ZFHX4: variants seen among roughly 807,000 people sequenced by gnomAD.
The protein encoded by ZFHX4 is zinc finger homeobox protein 4.
ZFHX4 carries 56 observed loss-of-function variants against 267.6 expected under a neutral mutation model. The ratio of observed to expected loss-of-function variants is 0.21; its 90% CI spans 0.17 to 0.26. The LOEUF is 0.26. Ranked by LOEUF, ZFHX4 falls within the 10% of genes least tolerant of loss-of-function variation. The probability of loss-of-function intolerance (pLI) is 1.00; values close to 1 mark genes in which losing one functional copy is unlikely to be tolerated. For synonymous variants in ZFHX4, 1,778 were observed against 1,665.6 expected (o/e 1.07, Z -1.64); for missense variants, 4,332 against 4,420.0 (o/e 0.98, Z 0.56).
intron 3 of ZFHX4, among the ~76,000 whole-genome samples, chr8:76,740,495 G>GA (rs149056986): frequency 8.1e-5 from 12 of 148,306 alleles, no homozygotes; most frequent in Admixed American, 3.4e-4. Flanking sequence ...ACCTACTGGG[G>GA]AAAAAAAAAA....
intron 4 of ZFHX4, among the ~76,000 whole-genome samples, chr8:76,793,427 T>G (rs947894514): frequency 6.6e-6 from 1 of 152,212 alleles, no homozygotes; most frequent in African/African-American, 2.4e-5. Flanking sequence ...ATAAACTGTT[T>G]TGAAGTTAAA....
At chr8:76,811,223 T>A (rs1811369912) in intron 4 of ZFHX4, among the ~76,000 whole-genome samples, 1 of 152,196 alleles carries the variant, frequency 6.6e-6, no homozygotes, top group Non-Finnish European at 1.5e-5. Context: ...TCTGCCTCTG[T>A]GAGGAGAGTA....
At chr8:76,826,049 T>C (rs1486255901) in intron 4 of ZFHX4, among the ~76,000 whole-genome samples, 1 of 152,216 alleles carries the variant, frequency 6.6e-6, no homozygotes. Context: ...AATTGGCTTA[T>C]GGTTCTGTAG....
intron 3 of ZFHX4, among the ~76,000 whole-genome samples, chr8:76,766,993 G>A (rs1810067908): frequency 6.6e-6 from 1 of 151,826 alleles, no homozygotes; most frequent in Non-Finnish European, 1.5e-5. Context: ...AGGAAACACA[G>A]CCTCTTAAGA....
intron 4 of ZFHX4, among the ~76,000 whole-genome samples, chr8:76,796,494 G>C (rs1019697487): frequency 6.6e-6 from 1 of 152,082 alleles, no homozygotes; most frequent in African/African-American, 2.4e-5. Flanking sequence ...TATCTTTGGG[G>C]TCTTTAAATG....
chr8:76,776,526 T>C (rs1056395301), intron 3 of ZFHX4, among the ~76,000 whole-genome samples: 2 of 152,146 alleles, frequency 1.3e-5, no homozygotes, highest in Non-Finnish European at 2.9e-5. Context: ...GATCCAGGCT[T>C]GGGTATCTTT....
chr8:76,686,431 T>C (rs1807695304), intron 1 of ZFHX4, among the ~76,000 whole-genome samples: 1 of 152,198 alleles, frequency 6.6e-6, no homozygotes, highest in African/African-American at 2.4e-5. Context: ...TTTTTATGCC[T>C]GTCAAAACAC....
chr8:76,722,797 G>A (rs868437776), intron 3 of ZFHX4, among the ~76,000 whole-genome samples: 1 of 151,936 alleles, frequency 6.6e-6, no homozygotes, highest in South Asian at 2.1e-4. Context: ...CACTCTATTG[G>A]TGTTGCGTTT....
At chr8:76,799,790 G>A (rs921767773) in intron 4 of ZFHX4, among the ~76,000 whole-genome samples, 3 of 151,834 alleles carry the variant, frequency 2.0e-5, no homozygotes, top group Non-Finnish European at 2.9e-5. Flanking sequence ...ATGCTTCCTC[G>A]TCACGATGTG....
chr8:76,833,507 A>AG, intron 5 of ZFHX4, 101 bp downstream of exon 5: 1 of 888,920 alleles, frequency 1.1e-6, no homozygotes, highest in Admixed American at 2.3e-5. Flanking sequence ...GAACTTCTCT[A>AG]ATTAGATCTG....
intron 1 of ZFHX4, among the ~76,000 whole-genome samples, chr8:76,691,643 A>G (rs932883162): frequency 6.6e-6 from 1 of 152,166 alleles, no homozygotes; most frequent in Non-Finnish European, 1.5e-5. Context: ...ATCTTATTCA[A>G]CCTATAAGAT....
In ZFHX4 at chr8:76,852,770, C is replaced by T. The variant is rs1223506129; in HGVS notation, c.5849C>T (p.Thr1950Ile). 2 of 1,613,498 alleles carry T rather than the reference C, an allele frequency of 1.2e-6. No homozygotes were observed. Among genetic ancestry groups the T allele is most frequent in the East Asian group, 2.2e-5 (1 of 44,870 alleles). ...GENTDKLECG[T>I]CGKLFSNVLI... The stretch of plus-strand genomic sequence containing the variant: ...AACACTGACAAACTAGAATGTGGAA[C>T]ATGTGGTAAATTGTTTTCCAATGTT... The change falls in exon 10 of 11, where the codon ACA becomes ATA. Residue 1950 changes from threonine (T) to isoleucine (I), a missense_variant. Thr to Ile is a moderately conservative substitution (Grantham distance 89, BLOSUM62 -1). Transcript: ENST00000651372.
chr8:76,688,998 C>T (rs1807759862), intron 1 of ZFHX4, among the ~76,000 whole-genome samples: 1 of 152,026 alleles, frequency 6.6e-6, no homozygotes, highest in South Asian at 2.1e-4. Context: ...CTCTTGAGTA[C>T]AGCATATTGT....
intron 4 of ZFHX4, among the ~76,000 whole-genome samples, chr8:76,828,707 TG>T (rs1811850866): frequency 6.6e-6 from 1 of 152,160 alleles, no homozygotes; most frequent in South Asian, 2.1e-4. Context: ...AGAGGGGTTG[TG>T]GTGTGAAGGT....
Position 76,863,156 on chromosome 8 carries a change from C to T in ZFHX4, c.9442C>T (p.Leu3148=). The change falls in exon 11 of 11, where the codon CTG becomes TTG. Residue 3148 remains leucine, a synonymous_variant. Coordinates refer to ENST00000651372, the MANE Select transcript of ZFHX4 (RefSeq NM_024721.5). ...TACTTCAGCTACTTCGTCTCCTGCC[C>T]TGTCTCTCAGCAGTGCCCCCACCAA... ...FPTSATSSPA[L]SLSSAPTKPL... 1.9e-6 allele frequency: 3 copies of T among 1,550,884 alleles called. No homozygotes were observed. The highest frequency in any genetic ancestry group is 2.6e-6 in the Non-Finnish European group (3 of 1,146,952).
chr8:76,863,869 C>G lies in ZFHX4; in HGVS notation c.10155C>G (p.Ser3385=). Residue 3385 remains serine, a synonymous_variant, in exon 11 of 11, where the codon TCC becomes TCG. Transcript: ENST00000651372. ...CAAAAGAAGAACCCCAGTTAGAATC[C>G]AAAAGTGCAGACTTTTCAGACACTT... ...ESTKEEPQLE[S]KSADFSDTYV... is the part of the protein sequence containing the mutation. The G allele has an allele frequency of 6.4e-7, 1 of 1,560,326 alleles. No individual in the cohort carries two copies.
rs999581557 is a variant in ZFHX4, at chr8:76,705,526, A to G, written c.1438A>G (p.Asn480Asp). ...GDEDEEDAYS[N>D]ELDDEEVLGE... ...TGAGGATGAAGAAGATGCGTACTCC[A>G]ATGAACTTGATGACGAGGAAGTATT... Residue 480 changes from asparagine to aspartate, a missense_variant, in exon 2 of 11, where the codon AAT becomes GAT. Coordinates refer to ENST00000651372, the MANE Select transcript of ZFHX4 (RefSeq NM_024721.5). 2.5e-6 allele frequency: 4 copies of G among 1,613,686 alleles called. No homozygotes were observed. The highest frequency in any genetic ancestry group is 1.7e-5 in the Admixed American group (1 of 59,958).
At chr8:76,692,096 G>T (rs374765759) in intron 1 of ZFHX4, among the ~76,000 whole-genome samples, 1 of 152,040 alleles carries the variant, frequency 6.6e-6, no homozygotes, top group African/African-American at 2.4e-5. Flanking sequence ...CTACAAGCTG[G>T]TTTGGTCCTA....
chr8:76,790,115 T>G (rs1264831635), intron 4 of ZFHX4, among the ~76,000 whole-genome samples: 2 of 152,164 alleles, frequency 1.3e-5, no homozygotes, highest in African/African-American at 4.8e-5. Context: ...CTGAATGTGG[T>G]TTTAGAAATT....
Sources: allele counts gnomAD v4.1 joint callset (sites outside exome capture counted in the v4.1 genomes callset), GRCh38; gene constraint gnomAD v4.1.1; transcripts MANE v1.5; gene names NCBI Gene and HGNC (gene_info 2026-07-23, HGNC 2026-07-21).